The following PTPRJ variants were observed in gnomAD, a reference collection of about 807,000 sequenced individuals.
PTPRJ encodes protein tyrosine phosphatase receptor type J.
A neutral mutation model predicts 141.3 loss-of-function variants in PTPRJ; 129 were observed. The ratio of observed to expected loss-of-function variants is 0.91; its 90% confidence interval spans 0.79 to 1.06. The LOEUF is 1.06. Ranked by LOEUF, PTPRJ falls within the 50% of genes least tolerant of loss-of-function variation. PTPRJ has a pLI of 0.00. For missense variants in PTPRJ, 1,601 were observed against 1,679.7 expected (o/e 0.95, Z 0.82); for synonymous variants, 610 against 640.5 (o/e 0.95, Z 0.72).
chr11:48,169,311 A>G lies in PTPRJ; in HGVS notation c.*1949A>G, dbSNP rs1857999587. ...CCTTTGCATTTTTTTGGTAGTAAGCAGTTCATTGAGTATCAGGTCCTCAAA... is the reference window on the plus strand; with the variant it reads ...CCTTTGCATTTTTTTGGTAGTAAGCGGTTCATTGAGTATCAGGTCCTCAAA... On this transcript the variant is annotated 3_prime_UTR_variant, in exon 25 of 25. Transcript: ENST00000418331. The G allele has an allele frequency of 6.6e-6, 1 of 152,204 alleles. No individual in the cohort carries two copies. The highest frequency in any genetic ancestry group is 2.1e-4 in the South Asian group (1 of 4,834). 9.4% of individuals were successfully genotyped at this position (152,204 alleles called of 1,614,324 possible).
At chr11:48,154,040 A>G (rs1464443854) in intron 19 of PTPRJ, among the ~76,000 whole-genome samples, 154 bp downstream of exon 19, 4 of 152,230 alleles carry the variant, frequency 2.6e-5, no homozygotes, top group East Asian at 3.8e-4. Context: ...TTCACCTACT[A>G]TGTGCTAAGC....
At position 48,112,790 on chromosome 11, in the gene PTPRJ, A is replaced by T; in HGVS notation, c.159A>T (p.Thr53=). The change falls in exon 3 of 25, where the codon ACA becomes ACT. Residue 53 remains threonine, a synonymous_variant. Transcript: ENST00000418331. ...ACCCTTCAGTAGCAACTGTTGCCAC[A>T]GGGGAAAATGGCATAACGCAGATCA... is the stretch of plus-strand genomic sequence containing the variant. ...IPDPSVATVA[T]GENGITQISS... The T allele has an allele frequency of 6.2e-7, 1 of 1,614,182 alleles. No individual in the cohort carries two copies. Among genetic ancestry groups the T allele is most frequent in the Non-Finnish European group, 8.5e-7 (1 of 1,179,978 alleles).
At chr11:48,041,207 C>T (rs769124959) in intron 1 of PTPRJ, among the ~76,000 whole-genome samples, 13 of 151,886 alleles carry the variant, frequency 8.6e-5, no homozygotes, top group African/African-American at 1.2e-4. Flanking sequence ...CATTTCTGTA[C>T]CTCCCAACTC....
At chr11:48,146,792 G>A in intron 14 of PTPRJ, 84 bp from the exon 15 acceptor site, 1 of 1,008,996 alleles carries the variant, frequency 9.9e-7, no homozygotes, top group Non-Finnish European at 1.6e-6. Context: ...ACTCTCTGGT[G>A]TTAGGGTCCC....
intron 8 of PTPRJ, among the ~76,000 whole-genome samples, chr11:48,135,476 C>CTTTTTT (rs34709299): frequency 3.4e-5 from 2 of 58,218 alleles, no homozygotes; most frequent in Admixed American, 2.7e-4. Context: ...CGCGCCTGGC[C>CTTTTTT]TTTTTTTTTT....
At chr11:48,002,136 A>T (rs980719459) in intron 1 of PTPRJ, among the ~76,000 whole-genome samples, 1 of 130,400 alleles carries the variant, frequency 7.7e-6, no homozygotes, top group South Asian at 2.4e-4. Flanking sequence ...TCCTATTTAA[A>T]TTTTTTTTTT....
intron 1 of PTPRJ, among the ~76,000 whole-genome samples, chr11:48,076,823 G>A (rs1004907269): frequency 6.6e-6 from 1 of 150,920 alleles, no homozygotes; most frequent in African/African-American, 2.4e-5. Flanking sequence ...AAATGAAAAG[G>A]ATTTTACAAT....
chr11:47,992,326 C>T (rs1854218243), intron 1 of PTPRJ, among the ~76,000 whole-genome samples: 1 of 152,106 alleles, frequency 6.6e-6, no homozygotes, highest in Non-Finnish European at 1.5e-5. Context: ...GGAGCCCGCC[C>T]ACCATGCCTA....
At chr11:48,132,594 A>G in intron 8 of PTPRJ, 1 of 958,182 alleles carries the variant, frequency 1.0e-6, no homozygotes, top group Non-Finnish European at 1.2e-6. Context: ...CCTAATGTAA[A>G]TGATGAGTTA....
At chr11:48,089,130 G>T (rs1855793428) in intron 1 of PTPRJ, among the ~76,000 whole-genome samples, 1 of 152,124 alleles carries the variant, frequency 6.6e-6, no homozygotes. Context: ...ACATGTTGTT[G>T]TTAAATGACG....
chr11:48,132,647 C>T (rs2134354688), intron 8 of PTPRJ: 1 of 874,418 alleles, frequency 1.1e-6, no homozygotes, highest in South Asian at 5.3e-5. Flanking sequence ...ACATATGTAA[C>T]AAACCTGCAC....
In PTPRJ at chr11:48,067,946, C is replaced by T. The variant is rs538249661; in HGVS notation, c.97-42112C>T. 3.3e-5 allele frequency among the ~76,000 whole-genome samples: 5 copies of T among 152,212 alleles called. No individual in the cohort carries two copies. The South Asian group carries it at 6.2e-4, about 19-fold the overall frequency. ...AGAAGGCCCATGTCTCAATAGGCCC[C>T]GAAAAATATTAATCCAGCCCAATAT... On this transcript the variant is annotated intron_variant, in intron 1 of 24. Transcript: ENST00000418331.
At chr11:48,115,301 A>G (rs1293741313) in intron 3 of PTPRJ, among the ~76,000 whole-genome samples, 1 of 152,202 alleles carries the variant, frequency 6.6e-6, no homozygotes, top group Non-Finnish European at 1.5e-5. Flanking sequence ...GAAAGCAAAA[A>G]GAGAAAAGAA....
chr11:48,048,916 A>G (rs1457917626), intron 1 of PTPRJ, among the ~76,000 whole-genome samples: 1 of 152,212 alleles, frequency 6.6e-6, no homozygotes, highest in African/African-American at 2.4e-5. Flanking sequence ...GCTGACGCCT[A>G]TCTAAGGCTT....
chr11:48,035,967 T>C (rs1213608206), intron 1 of PTPRJ, among the ~76,000 whole-genome samples: 1 of 152,160 alleles, frequency 6.6e-6, no homozygotes, highest in Non-Finnish European at 1.5e-5. Flanking sequence ...CCATTTGGGG[T>C]TGGGAAACAC....
chr11:47,983,410 A>G (rs1292979582), intron 1 of PTPRJ, among the ~76,000 whole-genome samples: 3 of 152,240 alleles, frequency 2.0e-5, no homozygotes, highest in African/African-American at 7.2e-5. Flanking sequence ...TGTGTTATAA[A>G]ATGGAATCAA....
chr11:48,089,952 T>C lies in PTPRJ; in HGVS notation c.97-20106T>C, dbSNP rs1855822904. ...TATCATATACCCCAAAGTGCTGTCATAAGGATTTAATGAAATATCCCATGT... is the reference window on the plus strand; with the variant it reads ...TATCATATACCCCAAAGTGCTGTCACAAGGATTTAATGAAATATCCCATGT... On this transcript the variant is annotated intron_variant, in intron 1 of 24. Transcript: ENST00000418331. Among the ~76,000 whole-genome samples the C allele has an allele frequency of 2.0e-5, 3 of 152,362 alleles. No individual in the cohort carries two copies. The South Asian group carries it at 6.2e-4, about 32-fold the overall frequency.
intron 1 of PTPRJ, among the ~76,000 whole-genome samples, chr11:48,066,389 C>T (rs1425512937): frequency 5.9e-5 from 9 of 151,884 alleles, no homozygotes; most frequent in South Asian, 2.1e-4. Flanking sequence ...AATGGGTCCC[C>T]GCCATTGCTC....
intron 19 of PTPRJ, among the ~76,000 whole-genome samples, chr11:48,154,316 C>T (rs371374053): frequency 3.5e-4 from 53 of 152,284 alleles, no homozygotes; most frequent in Non-Finnish European, 5.0e-4. Context: ...CAGAGGGAGA[C>T]GGGGAGTCAC....
Sources: gnomAD v4.1 joint callset for allele counts (sites outside exome capture counted in the v4.1 genomes callset) on GRCh38, gnomAD v4.1.1 for gene constraint, MANE v1.5 for transcripts, NCBI Gene and HGNC (gene_info 2026-07-23, HGNC 2026-07-21) for gene names.